IGF1R: variants seen among roughly 807,000 people sequenced by gnomAD.
IGF1R encodes the protein insulin like growth factor 1 receptor, also known as insulin-like growth factor 1 receptor.
IGF1R carries 44 observed loss-of-function variants against 144.6 expected under a neutral mutation model. That is an observed-to-expected ratio of 0.30 (90% CI 0.24 to 0.39). The LOEUF (loss-of-function observed/expected upper bound fraction) is 0.39. IGF1R is among the 10% of genes least tolerant of loss of function. IGF1R has a pLI of 1.00. For missense variants in IGF1R, 1,355 were observed against 1,833.7 expected (o/e 0.74, Z 4.77); for synonymous variants, 795 against 722.8 (o/e 1.10, Z -1.60).
At chr15:98,816,492 T>A (rs893711473) in intron 2 of IGF1R, among the ~76,000 whole-genome samples, 1 of 152,116 alleles carries the variant, frequency 6.6e-6, no homozygotes, top group Non-Finnish European at 1.5e-5. Context: ...CCCACCCCAT[T>A]CTCTTGTGCC....
intron 5 of IGF1R, among the ~76,000 whole-genome samples, chr15:98,906,521 T>G (rs2014739940): frequency 1.3e-5 from 2 of 152,232 alleles, no homozygotes; most frequent in South Asian, 4.1e-4. Flanking sequence ...TATGACTGCA[T>G]GGAGCCCCTC....
At chr15:98,842,890 TG>T (rs1018612390) in intron 2 of IGF1R, among the ~76,000 whole-genome samples, 1 of 152,222 alleles carries the variant, frequency 6.6e-6, no homozygotes, top group Non-Finnish European at 1.5e-5. Flanking sequence ...TATCTTAGTC[TG>T]GGGGTGAGCG....
At chr15:98,781,037 A>G (rs995596517) in intron 2 of IGF1R, among the ~76,000 whole-genome samples, 1 of 152,194 alleles carries the variant, frequency 6.6e-6, no homozygotes, top group Non-Finnish European at 1.5e-5. Context: ...TGGGAGGACT[A>G]CTTGAGCCCA....
chr15:98,883,034 G>A (rs543203487), intron 2 of IGF1R, among the ~76,000 whole-genome samples: 1 of 152,144 alleles, frequency 6.6e-6, no homozygotes, highest in Non-Finnish European at 1.5e-5. Context: ...GACAAACTGT[G>A]GTATCTTCCA....
intron 2 of IGF1R, among the ~76,000 whole-genome samples, chr15:98,771,845 T>TC (rs2055594272): frequency 6.6e-6 from 1 of 152,210 alleles, no homozygotes; most frequent in African/African-American, 2.4e-5. Flanking sequence ...AGCATGCTTA[T>TC]CAAGTTACTG....
chr15:98,790,774 C>G (rs577819742), intron 2 of IGF1R, among the ~76,000 whole-genome samples: 7 of 152,300 alleles, frequency 4.6e-5, no homozygotes, highest in South Asian at 2.1e-4. Context: ...ATTTAGTTTT[C>G]TTTCTTATTT....
intron 2 of IGF1R, among the ~76,000 whole-genome samples, chr15:98,781,523 C>T (rs756215524): frequency 2.0e-5 from 3 of 152,092 alleles, no homozygotes; most frequent in Admixed American, 1.3e-4. Flanking sequence ...TCTCAGTTTT[C>T]CATTTATATT....
chr15:98,706,791 A>T lies in IGF1R; in HGVS notation c.95-771A>T, dbSNP rs115890181. On this transcript the variant is annotated intron_variant, in intron 1 of 20. Transcript: ENST00000650285. The stretch of plus-strand genomic sequence containing the variant: ...GGCATAGATAGTGTTAACATTGTTT[A>T]TCGTGGAATGTTGAGATCGTTGATG... Among the ~76,000 whole-genome samples, 500 of 150,454 alleles carry T rather than the reference A, an allele frequency of 3.3e-3. 2 individuals carry two copies. Among genetic ancestry groups the T allele is most frequent in the African/African-American group, 0.011 (453 of 41,158 alleles).
intron 2 of IGF1R, among the ~76,000 whole-genome samples, chr15:98,716,643 A>G (rs906904066): frequency 3.3e-5 from 5 of 152,174 alleles, no homozygotes; most frequent in African/African-American, 9.7e-5. Flanking sequence ...GAGCCCTGGT[A>G]AACGTTTGAA....
At chr15:98,654,100 T>A (rs1455059753) in intron 1 of IGF1R, among the ~76,000 whole-genome samples, 1 of 152,200 alleles carries the variant, frequency 6.6e-6, no homozygotes, top group African/African-American at 2.4e-5. Context: ...TAGTTAGCAT[T>A]TTAAAGGTTC....
rs2017184639 is a variant in IGF1R at position 98,960,605 on chromosome 15, CCTG to C, written c.*3165_*3167del. 1 of 233,440 alleles carries C rather than the reference CCTG, an allele frequency of 4.3e-6. No individual in the cohort carries two copies. Among genetic ancestry groups the C allele is most frequent in the African/African-American group, 2.2e-5 (1 of 45,354 alleles). 14.5% of individuals were successfully genotyped at this position (233,440 alleles called of 1,614,324 possible). On this transcript the variant is annotated 3_prime_UTR_variant, in exon 21 of 21. Transcript: ENST00000650285. ...TTGCTCCCCTTGCTGCTGCTCCATC[CCTG>C]CAGGAGGCTCGCGCTGAGGCAGGAC...
rs1370261769 is a variant in IGF1R at position 98,913,167 on chromosome 15, G to A, written c.1713G>A (p.Leu571=). The A allele has an allele frequency of 3.7e-6, 6 of 1,614,082 alleles. No individual in the cohort carries two copies. The highest frequency in any genetic ancestry group is 5.1e-6 in the Non-Finnish European group (6 of 1,180,030). ...DVEPGILLHG[L]KPWTQYAVYV... ...AGCCCGGCATCTTACTACATGGGCT[G>A]AAGCCCTGGACTCAGTACGCCGTTT... Residue 571 remains leucine (L), a synonymous_variant, in exon 8 of 21, where the codon CTG becomes CTA. Coordinates refer to ENST00000650285, the MANE Select transcript of IGF1R (RefSeq NM_000875.5).
chr15:98,789,548 T>G (rs1427074496), intron 2 of IGF1R, among the ~76,000 whole-genome samples: 1 of 152,218 alleles, frequency 6.6e-6, no homozygotes, highest in Non-Finnish European at 1.5e-5. Flanking sequence ...TATTGCAACA[T>G]TGAAAATGTT....
chr15:98,749,480 C>G (rs577250156), intron 2 of IGF1R, among the ~76,000 whole-genome samples: 92 of 152,246 alleles, frequency 6.0e-4, no homozygotes, highest in Non-Finnish European at 1.2e-3. Context: ...TTCATCAAGA[C>G]TAATTGATTA....
rs576915243 is a variant in IGF1R at position 98,762,796 on chromosome 15, C to A, written c.640+54689C>A. On this transcript the variant is annotated intron_variant, in intron 2 of 20. Coordinates refer to ENST00000650285, the MANE Select transcript of IGF1R (RefSeq NM_000875.5). ...GGCACGGTGGCTCATGTCTGTAATC[C>A]CAGCACTTTAGGAGGCCGAGGCGGG... 1.3e-4 allele frequency among the ~76,000 whole-genome samples: 20 copies of A among 151,630 alleles called. 1 individual carries two copies. In the South Asian group the frequency reaches 4.2e-3, roughly 32 times the overall value.
At chr15:98,725,600 T>C (rs529046260) in intron 2 of IGF1R, among the ~76,000 whole-genome samples, 1 of 152,302 alleles carries the variant, frequency 6.6e-6, no homozygotes, top group Admixed American at 6.5e-5. Context: ...AGGGATCAGG[T>C]GGGAAATGAG....
intron 2 of IGF1R, among the ~76,000 whole-genome samples, chr15:98,816,369 A>G (rs1475701381): frequency 1.3e-5 from 2 of 152,184 alleles, no homozygotes; most frequent in African/African-American, 4.8e-5. Flanking sequence ...TCGCATTGCC[A>G]TATGTGTCCA....
intron 5 of IGF1R, chr15:98,900,868 TTTC>T (rs747992852): frequency 3.9e-5 from 6 of 152,188 alleles, no homozygotes; most frequent in Non-Finnish European, 7.3e-5. Flanking sequence ...TCTGTGAGCA[TTTC>T]TTCTTCAGCA....
At chr15:98,886,172 ACT>A (rs970480199) in intron 2 of IGF1R, among the ~76,000 whole-genome samples, 5 of 152,236 alleles carry the variant, frequency 3.3e-5, no homozygotes, top group African/African-American at 1.2e-4. Context: ...TAAAAAAAAA[ACT>A]CTGGCAAGAA....
Sources: allele counts gnomAD v4.1 joint callset (sites outside exome capture counted in the v4.1 genomes callset), GRCh38; gene constraint gnomAD v4.1.1; transcripts MANE v1.5; gene names NCBI Gene and HGNC (gene_info 2026-07-23, HGNC 2026-07-21).